The following NCMAP variants were observed in gnomAD, a reference collection of about 807,000 sequenced individuals.
NCMAP encodes the protein noncompact myelin-associated protein.
NCMAP carries 8 observed loss-of-function variants against 7.8 expected under a neutral mutation model. The ratio of observed to expected loss-of-function variants is 1.02; its 90% CI spans 0.60 to 1.84. NCMAP has a LOEUF of 1.84. NCMAP is among the 40% of genes most tolerant of loss of function. NCMAP has a pLI of 0.00. For missense variants in NCMAP, 112 were observed against 131.4 expected (o/e 0.85, Z 0.72); for synonymous variants, 41 against 52.9 (o/e 0.78, Z 0.98).
intron 2 of NCMAP, among the ~76,000 whole-genome samples, chr1:24,598,506 G>A (rs902109857): frequency 4.6e-5 from 7 of 152,040 alleles, no homozygotes; most frequent in Admixed American, 1.3e-4. Context: ...GCACTCCTTC[G>A]TATCTGGCTT....
rs1166798567 is a variant in NCMAP, at chr1:24,608,687, G to A, written c.*2940G>A. The A allele has an allele frequency of 6.5e-6, 1 of 152,780 alleles. No homozygotes were observed. The highest frequency in any genetic ancestry group is 1.9e-4 in the East Asian group (1 of 5,234). The allele number at this position is 152,780 out of a possible 1,614,324, so 9.5% of individuals were successfully genotyped here. ...AGAGGCAGTCAGTCACTTGAGCCCA[G>A]GAGTTCAAGACTAGCCTGGGCAACA... On this transcript the variant is annotated 3_prime_UTR_variant, in exon 4 of 4. Coordinates refer to ENST00000374392, the MANE Select transcript of NCMAP (RefSeq NM_001010980.5).
At position 24,601,002 on chromosome 1, in the gene NCMAP, A is replaced by G; in HGVS notation, c.145A>G (p.Ile49Val). Residue 49 changes from isoleucine to valine, a missense_variant, in exon 3 of 4, where the codon ATC (isoleucine) becomes GTC (valine). Transcript: ENST00000374392. ...VVIIIFTVVL[I>V]LLKMYNRKMR... is the part of the protein sequence containing the mutation. ...CATCATCATCTTCACCGTGGTTCTGATCCTGCTGAAGATGTACAACAGGTA... is the reference window on the plus strand; with the variant it reads ...CATCATCATCTTCACCGTGGTTCTGGTCCTGCTGAAGATGTACAACAGGTA... 1 of 1,614,100 alleles carries G rather than the reference A, an allele frequency of 6.2e-7. No individual in the cohort carries two copies. Among genetic ancestry groups the G allele is most frequent in the Non-Finnish European group, 8.5e-7 (1 of 1,180,028 alleles).
chr1:24,596,789 G>C (rs140728966), intron 2 of NCMAP, among the ~76,000 whole-genome samples: 2,260 of 152,344 alleles, frequency 0.015, 58 homozygotes, highest in African/African-American at 0.05. Flanking sequence ...AATGTAGGCG[G>C]GAAGAGTGAG....
At chr1:24,588,770 ACAGAGGCT>A (rs930719893) in intron 1 of NCMAP, among the ~76,000 whole-genome samples, 1 of 152,192 alleles carries the variant, frequency 6.6e-6, no homozygotes, top group Non-Finnish European at 1.5e-5. Context: ...TCTGCTGAAC[ACAGAGGCT>A]CAGAGTGTGG....
chr1:24,589,264 A>G (rs943485633), intron 1 of NCMAP, among the ~76,000 whole-genome samples: 1 of 151,954 alleles, frequency 6.6e-6, no homozygotes. Flanking sequence ...TGTGTTTTCT[A>G]TGGTCATGGC....
chr1:24,586,886 G>A (rs1651897986), intron 1 of NCMAP, among the ~76,000 whole-genome samples: 1 of 152,110 alleles, frequency 6.6e-6, no homozygotes, highest in Admixed American at 6.5e-5. Context: ...GTGGCTGCCT[G>A]TAAGGCCAGT....
intron 1 of NCMAP, among the ~76,000 whole-genome samples, chr1:24,564,640 A>C (rs1426282903): frequency 6.6e-6 from 1 of 151,978 alleles, no homozygotes; most frequent in Non-Finnish European, 1.5e-5. Flanking sequence ...ATGGAGATTT[A>C]AATGTTCCAA....
chr1:24,570,799 C>T (rs1048951862), intron 1 of NCMAP, among the ~76,000 whole-genome samples: 2 of 150,896 alleles, frequency 1.3e-5, no homozygotes, highest in East Asian at 1.9e-4. Flanking sequence ...GCCCTGTGCC[C>T]GATCCTTGCT....
At chr1:24,589,740 G>A (rs896312792) in intron 1 of NCMAP, 12 of 152,280 alleles carry the variant, frequency 7.9e-5, no homozygotes, top group South Asian at 2.1e-4. Flanking sequence ...GGATGCAGAC[G>A]TTGCCACATG....
At position 24,609,036 on chromosome 1, in the gene NCMAP, C is replaced by T. The variant is rs1247279141; in HGVS notation, c.*3289C>T. On this transcript the variant is annotated 3_prime_UTR_variant, in exon 4 of 4. Transcript: ENST00000374392. ...GGGAGATGGAGTGGTGAGGGCGAGT[C>T]AAATAAAAGGATTTGAGTGTCTCGT... is the stretch of plus-strand genomic sequence containing the variant. 6.6e-6 allele frequency: 1 copy of T among 152,142 alleles called. No individual in the cohort carries two copies. Among genetic ancestry groups the T allele is most frequent in the Non-Finnish European group, 1.5e-5 (1 of 68,046 alleles). The allele number at this position is 152,142 out of a possible 1,614,324, so 9.4% of individuals were successfully genotyped here.
intron 2 of NCMAP, among the ~76,000 whole-genome samples, chr1:24,597,061 C>A (rs538163635): frequency 6.6e-6 from 1 of 152,130 alleles, no homozygotes; most frequent in Admixed American, 6.5e-5. Context: ...GCTCCCAGGA[C>A]GGGGTCCCAT....
In NCMAP at chr1:24,602,569, C is replaced by CAAAAA. The variant is rs10630961; in HGVS notation, c.167+1564_167+1568dup. 8.8e-4 allele frequency among the ~76,000 whole-genome samples: 35 copies of CAAAAA among 39,974 alleles called. 1 individual carries two copies. Among genetic ancestry groups the CAAAAA allele is most frequent in the African/African-American group, 1.2e-3 (8 of 6,876 alleles). 26.2% of individuals were successfully genotyped at this position (39,974 alleles called of 152,430 possible). ...TGGGCGACAGAACGAGACTCCATCT[C>CAAAAA]AAAAAAAAAAAAAAAAAAAAAAAGA... On this transcript the variant is annotated intron_variant, in intron 3 of 3. Transcript: ENST00000374392.
At position 24,605,726 on chromosome 1, in the gene NCMAP, C is replaced by T. The variant is rs149022711; in HGVS notation, c.288C>T (p.Asp96=). ...CAACTGTGACCTTCAGTCCTGTTGA[C>T]GTCCAGGTGGAGACGCGATGACCTC... ...HPATVTFSPV[D]VQVETR is the part of the protein sequence containing the mutation. The change falls in exon 4 of 4, where the codon GAC becomes GAT. Residue 96 remains aspartate, a synonymous_variant. Transcript: ENST00000374392. 1.6e-4 allele frequency: 260 copies of T among 1,614,192 alleles called. 2 individuals are homozygous for T. The African/African-American group carries it at 2.5e-3, about 15-fold the overall frequency.
intron 1 of NCMAP, among the ~76,000 whole-genome samples, chr1:24,570,068 A>G (rs980441180): frequency 5.4e-5 from 8 of 149,412 alleles, no homozygotes; most frequent in Admixed American, 1.3e-4. Context: ...TCCCACCTCA[A>G]CCTCTAGATG....
chr1:24,563,607 A>G (rs968271859), intron 1 of NCMAP: 1 of 152,132 alleles, frequency 6.6e-6, no homozygotes, highest in East Asian at 1.9e-4. Flanking sequence ...TGTGACTCTC[A>G]CAAGAACCAT....
chr1:24,593,568 G>A (rs888530323), intron 1 of NCMAP, among the ~76,000 whole-genome samples: 5 of 151,912 alleles, frequency 3.3e-5, no homozygotes, highest in Non-Finnish European at 5.9e-5. Flanking sequence ...TCAGTACGTG[G>A]GCTCCTGTAA....
chr1:24,573,971 A>AAAAAAAAAAAAAAAAAAAAAAC (rs1337931415), intron 1 of NCMAP, among the ~76,000 whole-genome samples: 12 of 137,538 alleles, frequency 8.7e-5, no homozygotes, highest in Admixed American at 2.9e-4. Context: ...AAAAAAAAAA[A>AAAAAAAAAAAAAAAAAAAAAAC]CAGAAAAAAG....
At chr1:24,566,734 C>T (rs1651238463) in intron 1 of NCMAP, among the ~76,000 whole-genome samples, 1 of 152,178 alleles carries the variant, frequency 6.6e-6, no homozygotes. Flanking sequence ...TTCACAGTGA[C>T]ATATCCCAGC....
At chr1:24,584,210 G>C (rs1222977876) in intron 1 of NCMAP, among the ~76,000 whole-genome samples, 1 of 152,202 alleles carries the variant, frequency 6.6e-6, no homozygotes, top group Admixed American at 6.5e-5. Context: ...ACTCTCAAGA[G>C]TTGGGTCCTT....
Sources: allele counts gnomAD v4.1 joint callset (sites outside exome capture counted in the v4.1 genomes callset), GRCh38; gene constraint gnomAD v4.1.1; transcripts MANE v1.5; gene names NCBI Gene and HGNC (gene_info 2026-07-23, HGNC 2026-07-21).